Variants in MVK observed in about 807,000 individuals in gnomAD.
The protein encoded by MVK is LH receptor mRNA-binding protein.
MVK carries 34 observed loss-of-function variants against 43.2 expected under a neutral mutation model. The observed-to-expected ratio is 0.79, with a 90% confidence interval of 0.60 to 1.05. The LOEUF (loss-of-function observed/expected upper bound fraction) is 1.05. MVK is among the 50% of genes least tolerant of loss of function. The pLI is 0.00. For missense variants in MVK, 395 were observed against 504.0 expected (o/e 0.78, Z 2.07); for synonymous variants, 190 against 219.8 (o/e 0.86, Z 1.20).
upstream of MVK, chr12:109,573,765 A>G (rs189423324): frequency 4.1e-6 from 2 of 487,624 alleles, no homozygotes; most frequent in East Asian, 3.8e-5. Context: ...GGCCTGAAGT[A>G]CAACGCCTCC....
At chr12:109,573,515 G>T, upstream of MVK, 1 of 1,578,866 alleles carries the variant, frequency 6.3e-7, no homozygotes, top group Middle Eastern at 2.0e-4. Flanking sequence ...GACCCCGCCA[G>T]GTTCCCGTCC....
In MVK at chr12:109,586,785, T is replaced by G. The variant is rs757289914; in HGVS notation, c.663T>G (p.Ile221Met). The change falls in exon 7 of 11, where the codon ATT becomes ATG. Residue 221 changes from isoleucine to methionine, a missense_variant. Transcript: ENST00000228510. The part of the protein sequence containing the change: ...GGALRYHQGK[I>M]SSLKRSPALQ... ...CCCTCCGATACCATCAAGGGAAGAT[T>G]TCATCCTTAAAGAGGTAACCTGGGG... The G allele has an allele frequency of 2.3e-5, 37 of 1,614,036 alleles. No homozygotes were observed. The African/African-American group carries it at 4.8e-4, about 21-fold the overall frequency.
At chr12:109,593,670 A>G (rs1481722743) in intron 9 of MVK, among the ~76,000 whole-genome samples, 2 of 151,002 alleles carry the variant, frequency 1.3e-5, no homozygotes, top group Admixed American at 1.3e-4. Context: ...CGTGCCAGGC[A>G]TTGAACAGAA....
At chr12:109,580,012 G>C (rs1026898399) in intron 4 of MVK, 66 bp downstream of exon 4, 1 of 1,605,708 alleles carries the variant, frequency 6.2e-7, no homozygotes, top group African/African-American at 1.3e-5. Flanking sequence ...AAGAGTTTCT[G>C]TCATTGCTGC....
chr12:109,593,658 C>T (rs1885782840), intron 9 of MVK, among the ~76,000 whole-genome samples: 1 of 151,648 alleles, frequency 6.6e-6, no homozygotes, highest in Non-Finnish European at 1.5e-5. Context: ...CAGCACATAT[C>T]TCGTGCCAGG....
intron 4 of MVK, 129 bp downstream of exon 4, chr12:109,580,075 A>G: frequency 7.2e-7 from 1 of 1,386,936 alleles, no homozygotes; most frequent in Non-Finnish European, 1.0e-6. Context: ...TGTCCTCATC[A>G]TGTGCCAGGC....
At position 109,596,673 on chromosome 12, in the gene MVK, C is replaced by G. The variant is rs1013788910; in HGVS notation, c.*96C>G. ...TCTGTGCTGGCCAGCGAGCGCCCAG[C>G]TCCTGACACTGCTGGAGAGGCCCCA... On this transcript the variant is annotated 3_prime_UTR_variant, in exon 11 of 11. Transcript: ENST00000228510. 1 of 1,507,990 alleles carries G rather than the reference C, an allele frequency of 6.6e-7. No individual in the cohort carries two copies. Among genetic ancestry groups the G allele is most frequent in the Non-Finnish European group, 9.0e-7 (1 of 1,114,178 alleles). The allele number at this position is 1,507,990 out of a possible 1,614,324, so 93.4% of individuals were successfully genotyped here. A position where few individuals can be genotyped will look rare whatever the true frequency, so the allele number is the denominator to read the frequency against.
At position 109,596,512 on chromosome 12, in the gene MVK, G is replaced by A. The variant is rs971159663; in HGVS notation, c.1126G>A (p.Gly376Ser). The A allele has an allele frequency of 1.9e-6, 3 of 1,612,994 alleles. No individual in the cohort carries two copies. Among genetic ancestry groups the A allele is most frequent in the Non-Finnish European group, 2.5e-6 (3 of 1,179,934 alleles). ...CTTGGAAACCAGCATCGGTGCCCCC[G>A]GCGTCTCCATCCACTCAGCCACCTC... ...DCLETSIGAP[G>S]VSIHSATSLD... Residue 376 changes from glycine (G) to serine (S), a missense_variant, in exon 11 of 11, where the codon GGC (glycine) becomes AGC (serine). Transcript: ENST00000228510.
intron 5 of MVK, among the ~76,000 whole-genome samples, chr12:109,585,137 G>A (rs780115517): frequency 7.2e-5 from 11 of 152,242 alleles, no homozygotes; most frequent in Non-Finnish European, 1.2e-4. Flanking sequence ...AAGGCAGTGA[G>A]GCCACGTGCT....
intron 9 of MVK, among the ~76,000 whole-genome samples, chr12:109,592,243 C>G (rs1202581212): frequency 6.6e-6 from 1 of 152,224 alleles, no homozygotes; most frequent in Non-Finnish European, 1.5e-5. Flanking sequence ...CTTGGAGTCT[C>G]ATGGGTGACA....
Position 109,595,297 on chromosome 12 carries a change from G to A in MVK, c.1039+116G>A, listed in dbSNP as rs1028172059. 2.2e-6 allele frequency: 3 copies of A among 1,352,072 alleles called. 1 individual carries two copies. Among genetic ancestry groups the A allele is most frequent in the South Asian group, 2.7e-5 (2 of 75,034 alleles). The allele number at this position is 1,352,072 out of a possible 1,614,324, so 83.8% of individuals were successfully genotyped here. A position where few individuals can be genotyped will look rare whatever the true frequency, so the allele number is the denominator to read the frequency against. On this transcript the variant is annotated intron_variant, in intron 10 of 10. Transcript: ENST00000228510. This position sits in a 1 kb window ranked among gnomAD's most constrained non-coding sequence, Gnocchi z 5.9. ...GAAACAGGTCTCAGCTCCGCTGTGT[G>A]GCCTTGGGCAAGTTAGTTAACCTCT...
intron 5 of MVK, 104 bp downstream of exon 5, chr12:109,581,654 C>T (rs1885225124): frequency 6.6e-7 from 1 of 1,516,660 alleles, no homozygotes; most frequent in African/African-American, 1.4e-5. Flanking sequence ...TGAGAGGTGT[C>T]ATAGTGGCCA....
intron 5 of MVK, among the ~76,000 whole-genome samples, chr12:109,583,733 T>C (rs1885322835): frequency 6.6e-6 from 1 of 152,252 alleles, no homozygotes; most frequent in Admixed American, 6.5e-5. Flanking sequence ...AAAGTGTTCC[T>C]ATTTCTCCAC....
At chr12:109,594,981 T>C in intron 9 of MVK, 47 bp from the exon 10 acceptor site, 1 of 1,612,954 alleles carries the variant, frequency 6.2e-7, no homozygotes. Flanking sequence ...CATAGGACCT[T>C]GGCCTCAGGC....
chr12:109,596,086 G>A (rs913903010), intron 10 of MVK, among the ~76,000 whole-genome samples: 6 of 152,210 alleles, frequency 3.9e-5, no homozygotes, highest in Non-Finnish European at 7.3e-5. Context: ...AGATCTGCAC[G>A]GGGAGTCATC....
chr12:109,578,121 G>T (rs1457543847), intron 3 of MVK, among the ~76,000 whole-genome samples: 4 of 152,188 alleles, frequency 2.6e-5, no homozygotes, highest in Admixed American at 2.6e-4. Context: ...GCAGGCATTA[G>T]GGGTGCGACA....
At chr12:109,591,102 G>T in intron 8 of MVK, 139 bp from the exon 9 acceptor site, 1 of 960,524 alleles carries the variant, frequency 1.0e-6, no homozygotes. Flanking sequence ...AAAAAAACAG[G>T]CTCAGAAGAG....
At position 109,592,310 on chromosome 12, in the gene MVK, C is replaced by G. The variant is rs72648035; in HGVS notation, c.885+953C>G. On this transcript the variant is annotated intron_variant, in intron 9 of 10. Coordinates refer to ENST00000228510, the MANE Select transcript of MVK (RefSeq NM_000431.4). ...TAGGGAACCAAAGAGCCCAGGCTCC[C>G]CCTGGACACAGTCCACCTGGCCTGG... Among the ~76,000 whole-genome samples the G allele has an allele frequency of 4.1e-4, 62 of 152,332 alleles. 1 individual carries two copies. In the East Asian group the frequency reaches 5.2e-3, roughly 13 times the overall value.
chr12:109,583,089 GTTT>G (rs71079573), intron 5 of MVK, among the ~76,000 whole-genome samples: 1 of 148,806 alleles, frequency 6.7e-6, no homozygotes, highest in African/African-American at 2.5e-5. Flanking sequence ...TCCTTGGTCT[GTTT>G]TTTTTTTCTT....
Sources: allele counts gnomAD v4.1 joint callset (sites outside exome capture counted in the v4.1 genomes callset), GRCh38; gene constraint gnomAD v4.1.1; non-coding constraint Gnocchi (gnomAD v3.1); transcripts MANE v1.5; gene names NCBI Gene and HGNC (gene_info 2026-07-23, HGNC 2026-07-21).